ATP6V0A2: variants seen among roughly 807,000 people sequenced by gnomAD.
ATP6V0A2 encodes the protein V-type proton ATPase 116 kDa subunit a 2.
A neutral mutation model predicts 104.4 loss-of-function variants in ATP6V0A2; 58 were observed. That is an observed-to-expected ratio of 0.56 (90% CI 0.45 to 0.69). The LOEUF (loss-of-function observed/expected upper bound fraction) is 0.69. Ranked by LOEUF, ATP6V0A2 falls within the 30% of genes least tolerant of loss-of-function variation. The pLI is 0.00. For missense variants in ATP6V0A2, 938 were observed against 1,062.9 expected, an observed-to-expected ratio of 0.88 and a Z score of 1.63; for synonymous variants, 376 against 397.9, an observed-to-expected ratio of 0.95 and a Z score of 0.65.
At position 123,751,024 on chromosome 12, in the gene ATP6V0A2, G is replaced by C. The variant is rs141042795; in HGVS notation, c.1936-86G>C. 7.4e-4 allele frequency: 1,168 copies of C among 1,572,588 alleles called. 13 individuals are homozygous for C. The highest frequency in any genetic ancestry group is 6.7e-3 in the South Asian group (598 of 89,806). On this transcript the variant is annotated intron_variant, in intron 15 of 19. Transcript: ENST00000330342. The stretch of plus-strand genomic sequence containing the variant: ...TGTTCCTCGCGTGGAGACATTGTTC[G>C]ATCTTTCCTGATTTCATCGTGTGCT...
Position 123,737,164 on chromosome 12 carries a change from A to G in ATP6V0A2, c.931A>G (p.Met311Val). The G allele has an allele frequency of 6.2e-7, 1 of 1,614,166 alleles. No homozygotes were observed. The highest frequency in any genetic ancestry group is 8.5e-7 in the Non-Finnish European group (1 of 1,180,024). ...GAAGAAAATGAAGGCCATCTATCAC[A>G]TGCTGAACATGTGCAGCTTTGACGT... ...QVKKMKAIYH[M>V]LNMCSFDVTN... is the part of the protein sequence containing the mutation. The change falls in exon 9 of 20, where the codon ATG (methionine) becomes GTG (valine). Residue 311 changes from methionine to valine, a missense_variant. By Grantham distance (21) the Met-to-Val change is conservative. Coordinates refer to ENST00000330342, the MANE Select transcript of ATP6V0A2 (RefSeq NM_012463.4).
chr12:123,722,822 A>G (rs1201436006), intron 3 of ATP6V0A2, among the ~76,000 whole-genome samples: 1 of 152,010 alleles, frequency 6.6e-6, no homozygotes, highest in East Asian at 1.9e-4. Flanking sequence ...TTCTTGTGCA[A>G]GGAATTGAGG....
chr12:123,754,067 T>C, intron 17 of ATP6V0A2: 1 of 386,764 alleles, frequency 2.6e-6, no homozygotes, highest in South Asian at 4.9e-5. Flanking sequence ...TATCAGTAGA[T>C]GTTTCATAAT....
intron 1 of ATP6V0A2, 97 bp downstream of exon 1, chr12:123,712,779 GGC>G: frequency 9.6e-7 from 1 of 1,036,828 alleles, no homozygotes; most frequent in Non-Finnish European, 1.5e-6. Context: ...ACCGAGGAAG[GGC>G]GCGCCCCGTC....
chr12:123,752,867 G>T lies in ATP6V0A2; in HGVS notation c.2175+465G>T, dbSNP rs542036964. The stretch of plus-strand genomic sequence containing the variant: ...AGGCCTTGGTTGGCTTTTTTTCTTT[G>T]TAAGTTTTCTTTATATTGTGAAGTC... On this transcript the variant is annotated intron_variant, in intron 17 of 19. Transcript: ENST00000330342. Among the ~76,000 whole-genome samples the T allele has an allele frequency of 2.4e-3, 360 of 152,224 alleles. 3 individuals are homozygous for T. Among genetic ancestry groups the T allele is most frequent in the Middle Eastern group, 0.02 (6 of 294 alleles).
chr12:123,726,892 ATT>A (rs1476020709), intron 5 of ATP6V0A2, among the ~76,000 whole-genome samples: 2 of 152,086 alleles, frequency 1.3e-5, no homozygotes, highest in Non-Finnish European at 1.5e-5. Flanking sequence ...CAGCATTGAG[ATT>A]TTTTTGTTGA....
intron 17 of ATP6V0A2, among the ~76,000 whole-genome samples, chr12:123,753,678 C>T (rs1438131684): frequency 6.6e-6 from 1 of 152,158 alleles, no homozygotes; most frequent in African/African-American, 2.4e-5. Flanking sequence ...GTTGGGGGTA[C>T]GAGGCTGGAC....
At chr12:123,735,774 C>T in intron 8 of ATP6V0A2, 150 bp downstream of exon 8, 1 of 753,940 alleles carries the variant, frequency 1.3e-6, no homozygotes, top group Non-Finnish European at 2.3e-6. Flanking sequence ...CTCCCTCCTC[C>T]CCATGGAAGT....
intron 9 of ATP6V0A2, chr12:123,737,587 C>A (rs905697520): frequency 8.1e-6 from 3 of 369,716 alleles, no homozygotes; most frequent in Non-Finnish European, 1.6e-5. Flanking sequence ...GTGAGCTGGT[C>A]ATTCAAAGCT....
At chr12:123,757,841 G>A (rs1956778871) in intron 19 of ATP6V0A2, 86 bp from the exon 20 acceptor site, 3 of 885,334 alleles carry the variant, frequency 3.4e-6, no homozygotes, top group Non-Finnish European at 5.2e-6. Context: ...TTCAGCACAG[G>A]AATTTTTTTT....
intron 2 of ATP6V0A2, chr12:123,721,126 C>T (rs750271398): frequency 3.3e-5 from 5 of 152,260 alleles, no homozygotes; most frequent in African/African-American, 1.2e-4. Flanking sequence ...TTCATGGAAT[C>T]GAAAACATAA....
intron 7 of ATP6V0A2, among the ~76,000 whole-genome samples, chr12:123,735,162 T>TGTGTGA: frequency 6.9e-6 from 1 of 145,750 alleles, no homozygotes. Context: ...TGTGTGTGTG[T>TGTGTGA]GTGTCTGTGT....
chr12:123,724,681 CT>C lies in ATP6V0A2; in HGVS notation c.323del (p.Leu108ArgfsTer11). On this transcript the variant is annotated frameshift_variant, in exon 4 of 20. Coordinates refer to ENST00000330342, the MANE Select transcript of ATP6V0A2 (RefSeq NM_012463.4). LOFTEE classifies it high-confidence loss of function. ...GCAGTTGCAGAAGCTCGAGGTTGAA[CT>C]GAGAGAAGTCACTAAGAACAAGGAG... ...QEQLQKLEVELREVTKNKEKL... is the reference protein window; with the variant it reads ...QEQLQKLEVEXREVTKNKEKL... The C allele has an allele frequency of 6.2e-7, 1 of 1,613,878 alleles. No individual in the cohort carries two copies. Among genetic ancestry groups the C allele is most frequent in the Non-Finnish European group, 8.5e-7 (1 of 1,179,888 alleles).
In ATP6V0A2 at chr12:123,744,272, A is replaced by G; in HGVS notation, c.1261A>G (p.Met421Val). The stretch of plus-strand genomic sequence containing the variant: ...TGGAGACTTCGGACATGGCTTTGTG[A>G]TGTTTTTATTTGCCCTCTTGTTGGT... ...MFGDFGHGFV[M>V]FLFALLLVLN... The change falls in exon 11 of 20, where the codon ATG becomes GTG. Residue 421 changes from methionine (M) to valine (V), a missense_variant. Coordinates refer to ENST00000330342, the MANE Select transcript of ATP6V0A2 (RefSeq NM_012463.4). The surrounding 1 kb of genome is among the most constrained non-coding windows in gnomAD (Gnocchi z 5.4). 6.2e-7 allele frequency: 1 copy of G among 1,614,084 alleles called. No individual in the cohort carries two copies. Among genetic ancestry groups the G allele is most frequent in the Non-Finnish European group, 8.5e-7 (1 of 1,179,994 alleles).
intron 6 of ATP6V0A2, among the ~76,000 whole-genome samples, chr12:123,728,395 C>CTT (rs34247373): frequency 0.12 from 15,235 of 124,316 alleles, 1,656 homozygotes; most frequent in African/African-American, 0.29. Flanking sequence ...CCTCACCTGG[C>CTT]TTTTTTTTTT....
At chr12:123,715,610 T>G (rs952431304) in intron 1 of ATP6V0A2, among the ~76,000 whole-genome samples, 1 of 152,194 alleles carries the variant, frequency 6.6e-6, no homozygotes, top group African/African-American at 2.4e-5. Flanking sequence ...GCTTTCAACA[T>G]GAATGATATA....
chr12:123,751,904 A>G (rs1191735694), intron 16 of ATP6V0A2, among the ~76,000 whole-genome samples: 2 of 126,848 alleles, frequency 1.6e-5, no homozygotes, highest in Admixed American at 1.0e-4. Context: ...TCTGTTGCCC[A>G]GGCTGGAGTG....
intron 13 of ATP6V0A2, 121 bp downstream of exon 13, chr12:123,745,093 A>G (rs1001131209): frequency 2.0e-6 from 2 of 1,005,998 alleles, no homozygotes; most frequent in African/African-American, 1.6e-5. Context: ...GGAGGTGCTC[A>G]TTAGCCCCTG....
At chr12:123,730,046 T>TC (rs1956486281) in intron 6 of ATP6V0A2, among the ~76,000 whole-genome samples, 1 of 42,722 alleles carries the variant, frequency 2.3e-5, no homozygotes, top group African/African-American at 1.0e-4. Flanking sequence ...AGTTAGGTCT[T>TC]TTTTTTTTTT....
Sources: gnomAD v4.1 joint callset for allele counts (sites outside exome capture counted in the v4.1 genomes callset) on GRCh38, gnomAD v4.1.1 for gene constraint, Gnocchi (gnomAD v3.1) non-coding constraint, MANE v1.5 for transcripts, NCBI Gene and HGNC (gene_info 2026-07-23, HGNC 2026-07-21) for gene names.